TMEM182: variants seen among roughly 807,000 people sequenced by gnomAD.
TMEM182 encodes the protein transmembrane protein 182.
Under a neutral mutation model 26.8 loss-of-function variants are expected in TMEM182, and 20 were observed. That is an observed-to-expected ratio of 0.75 (90% CI 0.53 to 1.09). The LOEUF (loss-of-function observed/expected upper bound fraction) is 1.09, where lower values mean the gene tolerates loss of function less well. Among genes scored for constraint, TMEM182 ranks in the 50% least tolerant of loss-of-function variants. The probability of loss-of-function intolerance (pLI) is 0.00; values close to 1 mark genes in which losing one functional copy is unlikely to be tolerated. For missense variants in TMEM182, 277 were observed against 275.5 expected (o/e 1.01, Z -0.04); for synonymous variants, 109 against 102.2 (o/e 1.07, Z -0.40).
upstream of TMEM182, among the ~76,000 whole-genome samples, chr2:102,759,856 A>G (rs1419912103): frequency 6.6e-6 from 1 of 152,130 alleles, no homozygotes; most frequent in Non-Finnish European, 1.5e-5. Context: ...TCTTGAAACC[A>G]GCAACTGTCT....
intron 4 of TMEM182, among the ~76,000 whole-genome samples, chr2:102,800,442 T>G (rs1682070419): frequency 1.3e-5 from 2 of 152,178 alleles, no homozygotes; most frequent in African/African-American, 4.8e-5. Flanking sequence ...TTATCATCCC[T>G]CTGCTTGAAT....
chr2:102,837,843 T>C (rs1445470423), intron 3 of TMEM182, among the ~76,000 whole-genome samples: 1 of 152,162 alleles, frequency 6.6e-6, no homozygotes, highest in Admixed American at 6.5e-5. Flanking sequence ...GGAAGTTACC[T>C]GTTTAAGGAG....
intron 3 of TMEM182, among the ~76,000 whole-genome samples, chr2:102,791,997 T>G (rs1211202632): frequency 6.6e-6 from 1 of 150,670 alleles, no homozygotes; most frequent in African/African-American, 2.4e-5. Flanking sequence ...AATATAAAAT[T>G]TGATATATAC....
intron 3 of TMEM182, among the ~76,000 whole-genome samples, chr2:102,796,836 A>G (rs182580721): frequency 1.9e-3 from 296 of 152,274 alleles, no homozygotes; most frequent in Non-Finnish European, 3.0e-3. Context: ...GTAAAACTCC[A>G]GTTGATTGAT....
rs1009162226 is a variant in TMEM182, at chr2:102,762,276, T to C, written c.59T>C (p.Leu20Pro). 2.5e-6 allele frequency: 4 copies of C among 1,614,042 alleles called. 1 individual carries two copies. In the East Asian group the frequency reaches 8.9e-5, roughly 36 times the overall value. Residue 20 changes from leucine to proline, a missense_variant, in exon 1 of 5, where the codon CTC becomes CCC. Physicochemically the swap from Leu to Pro is moderately conservative, Grantham distance 98. Coordinates refer to ENST00000412401, the MANE Select transcript of TMEM182 (RefSeq NM_144632.5). ...GALFGALGVL[L>P]FLVAFGSDYW... ...CTCTTTGGTGCTTTGGGGGTGTTAC[T>C]CTTTTTGGTGGCTTTTGGATCGGAT...
intron 3 of TMEM182, among the ~76,000 whole-genome samples, chr2:102,781,663 G>GT (rs1283290708): frequency 6.6e-6 from 1 of 152,088 alleles, no homozygotes; most frequent in African/African-American, 2.4e-5. Flanking sequence ...CATGATGAAT[G>GT]TTTTTTTCAG....
rs1255168208 is a variant in TMEM182 at position 102,805,108 on chromosome 2, G to A, written c.469+7108G>A. Among the ~76,000 whole-genome samples the A allele has an allele frequency of 2.0e-5, 3 of 152,324 alleles. No homozygotes were observed. The East Asian group carries it at 5.8e-4, about 29-fold the overall frequency. ...AGTCAGCCTTGCTTAATATTATATA[G>A]AAAAGAGATGTGACGGCTTTTATTT... On this transcript the variant is annotated intron_variant, in intron 4 of 4. Transcript: ENST00000412401.
intron 1 of TMEM182, among the ~76,000 whole-genome samples, chr2:102,753,997 T>C (rs1429298213): frequency 6.6e-6 from 1 of 152,076 alleles, no homozygotes; most frequent in Non-Finnish European, 1.5e-5. Flanking sequence ...GTAAAGGAGG[T>C]AGTAGAGAGG....
chr2:102,760,849 G>A (rs1224846399), upstream of TMEM182, among the ~76,000 whole-genome samples: 3 of 151,920 alleles, frequency 2.0e-5, no homozygotes, highest in Non-Finnish European at 4.4e-5. Context: ...CACCCGCCTC[G>A]GCCTCCCAAA....
chr2:102,763,072 A>C (rs1214610293), intron 2 of TMEM182, among the ~76,000 whole-genome samples: 2 of 152,156 alleles, frequency 1.3e-5, no homozygotes, highest in African/African-American at 2.4e-5. Flanking sequence ...CAAATGTAAA[A>C]ATCCATAAAT....
chr2:102,788,273 G>A (rs1681481344), intron 3 of TMEM182, among the ~76,000 whole-genome samples: 1 of 152,160 alleles, frequency 6.6e-6, no homozygotes, highest in Admixed American at 6.5e-5. Flanking sequence ...TGGAATCCTA[G>A]CATGGGTGTT....
Position 102,816,171 on chromosome 2 carries a change from C to T in TMEM182, c.*1203C>T. The T allele has an allele frequency of 2.0e-6, 2 of 985,350 alleles. No individual in the cohort carries two copies. The highest frequency in any genetic ancestry group is 2.4e-6 in the Non-Finnish European group (2 of 829,914). 61.0% of individuals were successfully genotyped at this position (985,350 alleles called of 1,614,324 possible). The stretch of plus-strand genomic sequence containing the variant: ...GCACTAATGTTGATTGAAATCAAAT[C>T]CATCTGAGATGCCTAGCTCGTATTT... On this transcript the variant is annotated 3_prime_UTR_variant, in exon 5 of 5. Transcript: ENST00000412401.
downstream of TMEM182, among the ~76,000 whole-genome samples, chr2:102,820,753 G>A (rs1162112075): frequency 1.3e-5 from 2 of 152,194 alleles, no homozygotes; most frequent in African/African-American, 4.8e-5. Flanking sequence ...TGATGAAGTT[G>A]GAGAAGCAGG....
rs957377908 is a variant in TMEM182, at chr2:102,816,259, G to A, written c.*1291G>A. ...GGTATGTGAGCTTTGTTGGAGGTGC[G>A]GTGTTTCATTCTGCAGCTGTTGTGA... On this transcript the variant is annotated 3_prime_UTR_variant, in exon 5 of 5. Coordinates refer to ENST00000412401, the MANE Select transcript of TMEM182 (RefSeq NM_144632.5). 6.0e-5 allele frequency: 59 copies of A among 985,164 alleles called. No homozygotes were observed. Among genetic ancestry groups the A allele is most frequent in the Non-Finnish European group, 6.9e-5 (57 of 829,922 alleles). 61.0% of individuals were successfully genotyped at this position (985,164 alleles called of 1,614,324 possible). A position where few individuals can be genotyped will look rare whatever the true frequency, so the allele number is the denominator to read the frequency against.
intron 3 of TMEM182, among the ~76,000 whole-genome samples, chr2:102,833,843 G>C (rs1683194531): frequency 6.6e-6 from 1 of 152,236 alleles, no homozygotes; most frequent in Admixed American, 6.5e-5. Context: ...ATACATTTTG[G>C]GAAAGAATAC....
intron 3 of TMEM182, among the ~76,000 whole-genome samples, chr2:102,795,069 C>CT (rs1681812378): frequency 6.6e-6 from 1 of 151,894 alleles, no homozygotes; most frequent in Admixed American, 6.5e-5. Flanking sequence ...CTCTCTCATC[C>CT]CTGTTTTATT....
At chr2:102,758,937 A>T (rs185374146), upstream of TMEM182, among the ~76,000 whole-genome samples, 2 of 152,192 alleles carry the variant, frequency 1.3e-5, no homozygotes, top group Admixed American at 6.5e-5. Flanking sequence ...GTGGTCTTTC[A>T]TGGCATTTAT....
At chr2:102,750,879 CA>C (rs929698176) in intron 1 of TMEM182, among the ~76,000 whole-genome samples, 1 of 152,176 alleles carries the variant, frequency 6.6e-6, no homozygotes, top group African/African-American at 2.4e-5. Context: ...GGCTTAAAAA[CA>C]GACATTTTCT....
intron 4 of TMEM182, among the ~76,000 whole-genome samples, chr2:102,799,847 A>G (rs1682040030): frequency 6.6e-6 from 1 of 152,118 alleles, no homozygotes; most frequent in African/African-American, 2.4e-5. Flanking sequence ...GGTTTCTATG[A>G]TTCACCTTTG....
Sources: gnomAD v4.1 joint callset for allele counts (sites outside exome capture counted in the v4.1 genomes callset) on GRCh38, gnomAD v4.1.1 for gene constraint, MANE v1.5 for transcripts, NCBI Gene and HGNC (gene_info 2026-07-23, HGNC 2026-07-21) for gene names.